BLZF1: variants seen among roughly 807,000 people sequenced by gnomAD.
The protein encoded by BLZF1 is golgin-45.
BLZF1 carries 39 observed loss-of-function variants against 43.8 expected under a neutral mutation model. That is an observed-to-expected ratio of 0.89 (90% CI 0.69 to 1.16). BLZF1 has a LOEUF of 1.16. Ranked by LOEUF, BLZF1 falls within the 50% of genes most tolerant of loss-of-function variation. The probability of loss-of-function intolerance (pLI) is 0.00; values close to 1 mark genes in which losing one functional copy is unlikely to be tolerated. For synonymous variants in BLZF1, 136 were observed against 159.4 expected (o/e 0.85, Z 1.11); for missense variants, 449 against 469.8 (o/e 0.96, Z 0.41).
intron 2 of BLZF1, among the ~76,000 whole-genome samples, chr1:169,373,256 G>A (rs1321284671): frequency 6.6e-6 from 1 of 152,118 alleles, no homozygotes; most frequent in African/African-American, 2.4e-5. Flanking sequence ...GATCACAGGT[G>A]GAAGTAATGA....
At chr1:169,389,606 G>A (rs1209375766), downstream of BLZF1, among the ~76,000 whole-genome samples, 6 of 152,170 alleles carry the variant, frequency 3.9e-5, no homozygotes, top group African/African-American at 1.4e-4. Context: ...TCTGCTTCTA[G>A]GTAGATTCCC....
downstream of BLZF1, among the ~76,000 whole-genome samples, chr1:169,390,123 T>TA (rs539975726): frequency 4.6e-5 from 7 of 151,412 alleles, no homozygotes; most frequent in Admixed American, 1.3e-4. Context: ...ATTAAAAAAC[T>TA]AAAAAAAAAT....
At chr1:169,386,018 G>GC (rs1654657125) in intron 6 of BLZF1, among the ~76,000 whole-genome samples, 1 of 152,172 alleles carries the variant, frequency 6.6e-6, no homozygotes, top group Admixed American at 6.5e-5. Context: ...TGGGAAAATA[G>GC]GAACATGAGA....
chr1:169,374,943 C>T lies in BLZF1; in HGVS notation c.29-1597C>T, dbSNP rs559545485. Among the ~76,000 whole-genome samples the T allele has an allele frequency of 3.9e-5, 6 of 152,008 alleles. No homozygotes were observed. In the South Asian group the frequency reaches 1.0e-3, roughly 26 times the overall value. ...TACAATATAAATCATAGGTATTGAGCATGCAAATAAATAAATAGTAAGGAT... is the reference window on the plus strand; with the variant it reads ...TACAATATAAATCATAGGTATTGAGTATGCAAATAAATAAATAGTAAGGAT... On this transcript the variant is annotated intron_variant, in intron 2 of 6. Coordinates refer to ENST00000367808, the MANE Select transcript of BLZF1 (RefSeq NM_001320973.2).
chr1:169,376,102 T>C (rs922413917), intron 2 of BLZF1, among the ~76,000 whole-genome samples: 4 of 152,136 alleles, frequency 2.6e-5, no homozygotes, highest in Non-Finnish European at 4.4e-5. Flanking sequence ...GAATCTCTTA[T>C]GATGTAGATG....
chr1:169,368,615 G>A (rs1517748), intron 1 of BLZF1, among the ~76,000 whole-genome samples: 40,846 of 152,072 alleles, frequency 0.27, 5,965 homozygotes, highest in African/African-American at 0.36. Flanking sequence ...CACTCGCTGT[G>A]CCTGTACGTT....
At chr1:169,383,575 C>G (rs1234184148) in intron 6 of BLZF1, among the ~76,000 whole-genome samples, 1 of 152,138 alleles carries the variant, frequency 6.6e-6, no homozygotes, top group Non-Finnish European at 1.5e-5. Context: ...GACTTCCTGC[C>G]CCACTATTCT....
rs545843891 is a variant in BLZF1, at chr1:169,383,862, G to GA, written c.1017+1582dup. Among the ~76,000 whole-genome samples the GA allele has an allele frequency of 7.1e-3, 1,086 of 152,164 alleles. 24 individuals are homozygous for GA. The highest frequency in any genetic ancestry group is 0.025 in the African/African-American group (1,038 of 41,496). On this transcript the variant is annotated intron_variant, in intron 6 of 6. Coordinates refer to ENST00000367808, the MANE Select transcript of BLZF1 (RefSeq NM_001320973.2). ...CCATTGTTTCTAAGTTTTTGAGGGG[G>GA]AGGGGCATCCTCTTCCTGTGACCCC...
At chr1:169,373,916 G>T (rs919978818) in intron 2 of BLZF1, among the ~76,000 whole-genome samples, 1 of 152,000 alleles carries the variant, frequency 6.6e-6, no homozygotes, top group Non-Finnish European at 1.5e-5. Context: ...GCCTCAGTGG[G>T]CCTGAACCAT....
intron 2 of BLZF1, among the ~76,000 whole-genome samples, chr1:169,376,207 C>A (rs775183208): frequency 2.0e-5 from 3 of 151,982 alleles, no homozygotes; most frequent in Non-Finnish European, 2.9e-5. Flanking sequence ...TACATTTTTT[C>A]TTACCAAAAT....
chr1:169,372,885 GATA>G (rs1391279883), intron 2 of BLZF1, among the ~76,000 whole-genome samples: 3 of 151,834 alleles, frequency 2.0e-5, no homozygotes, highest in African/African-American at 7.3e-5. Context: ...CAATCAGTTT[GATA>G]ATAGTGGACA....
At chr1:169,381,197 G>C (rs61505890) in intron 5 of BLZF1, among the ~76,000 whole-genome samples, 95 of 151,834 alleles carry the variant, frequency 6.3e-4, no homozygotes, top group African/African-American at 2.2e-3. Flanking sequence ...AGGAATGAAG[G>C]GGGGGGTACA....
rs1233023378 is a variant in BLZF1, at chr1:169,380,421, C to G, written c.669-60C>G. 3 of 1,480,556 alleles carry G rather than the reference C, an allele frequency of 2.0e-6. No individual in the cohort carries two copies. In the East Asian group the frequency reaches 6.9e-5, roughly 34 times the overall value. 91.7% of individuals were successfully genotyped at this position (1,480,556 alleles called of 1,614,324 possible). On this transcript the variant is annotated intron_variant, in intron 4 of 6. Coordinates refer to ENST00000367808, the MANE Select transcript of BLZF1 (RefSeq NM_001320973.2). Reference sequence around the variant, plus strand: ...AGTGACAGTCACAAAGTAGTATATTCAATTTTTTACACTGTATTATTGTCA... The same window carrying G: ...AGTGACAGTCACAAAGTAGTATATTGAATTTTTTACACTGTATTATTGTCA...
chr1:169,388,887 G>A (rs536383344), downstream of BLZF1, among the ~76,000 whole-genome samples: 5 of 152,094 alleles, frequency 3.3e-5, no homozygotes, highest in African/African-American at 9.7e-5. Flanking sequence ...TTGGGAGGCC[G>A]AGGTGGGTGG....
chr1:169,385,465 A>G (rs1282245108), intron 6 of BLZF1, among the ~76,000 whole-genome samples: 2 of 152,204 alleles, frequency 1.3e-5, no homozygotes, highest in Non-Finnish European at 2.9e-5. Flanking sequence ...CTTTCAGGCT[A>G]AAATACAGAA....
At chr1:169,369,764 T>C (rs1654044259) in intron 2 of BLZF1, among the ~76,000 whole-genome samples, 1 of 152,158 alleles carries the variant, frequency 6.6e-6, no homozygotes, top group African/African-American at 2.4e-5. Context: ...ATTAGGTGAC[T>C]ACTCTTAAAC....
downstream of BLZF1, among the ~76,000 whole-genome samples, chr1:169,390,122 CTA>C (rs1491273391): frequency 6.6e-6 from 1 of 151,818 alleles, no homozygotes; most frequent in Non-Finnish European, 1.5e-5. Context: ...AATTAAAAAA[CTA>C]AAAAAAAATT....
chr1:169,378,176 T>C (rs1195732544), intron 3 of BLZF1, among the ~76,000 whole-genome samples, 154 bp from the exon 4 acceptor site: 2 of 151,950 alleles, frequency 1.3e-5, no homozygotes, highest in Non-Finnish European at 2.9e-5. Flanking sequence ...GTATATCGTA[T>C]GGAACTTAAA....
chr1:169,376,323 C>A (rs896841067), intron 2 of BLZF1, among the ~76,000 whole-genome samples: 1 of 151,926 alleles, frequency 6.6e-6, no homozygotes, highest in Non-Finnish European at 1.5e-5. Flanking sequence ...AAAGTCAGAA[C>A]CAAATATTCT....
Sources: allele counts gnomAD v4.1 joint callset (sites outside exome capture counted in the v4.1 genomes callset), GRCh38; gene constraint gnomAD v4.1.1; transcripts MANE v1.5; gene names NCBI Gene and HGNC (gene_info 2026-07-23, HGNC 2026-07-21).